SPOCK3: variants seen among roughly 807,000 people sequenced by gnomAD.
SPOCK3 encodes testican-3.
SPOCK3 carries 30 observed loss-of-function variants against 56.6 expected under a neutral mutation model. The observed-to-expected ratio is 0.53, with a 90% confidence interval of 0.40 to 0.72. The LOEUF (loss-of-function observed/expected upper bound fraction) is 0.72. SPOCK3 is among the 30% of genes least tolerant of loss of function. SPOCK3 has a pLI of 0.00. For missense variants in SPOCK3, 527 were observed against 530.0 expected (o/e 0.99, Z 0.06); for synonymous variants, 196 against 183.3 (o/e 1.07, Z -0.56).
At chr4:166,836,972 A>G (rs1238562927) in intron 6 of SPOCK3, among the ~76,000 whole-genome samples, 1 of 152,106 alleles carries the variant, frequency 6.6e-6, no homozygotes, top group East Asian at 1.9e-4. Flanking sequence ...ACTTGTCCAT[A>G]CTGTATTTGG....
At chr4:167,057,271 G>C (rs887892147) in intron 3 of SPOCK3, among the ~76,000 whole-genome samples, 1 of 152,116 alleles carries the variant, frequency 6.6e-6, no homozygotes, top group Non-Finnish European at 1.5e-5. Context: ...TGCCCTAAAA[G>C]AGCTCCTCAA....
chr4:166,899,261 T>TCTAC (rs1735756370), intron 5 of SPOCK3, among the ~76,000 whole-genome samples: 1 of 120,456 alleles, frequency 8.3e-6, no homozygotes, highest in South Asian at 3.2e-4. Context: ...TATCTATCTA[T>TCTAC]CTATCTATCT....
intron 2 of SPOCK3, among the ~76,000 whole-genome samples, chr4:167,166,903 C>G (rs189202680): frequency 6.6e-6 from 1 of 152,170 alleles, no homozygotes; most frequent in African/African-American, 2.4e-5. Flanking sequence ...GAAACTGAGT[C>G]TTTTCATAAC....
At chr4:166,951,388 G>T (rs1267223724) in intron 4 of SPOCK3, among the ~76,000 whole-genome samples, 1 of 139,322 alleles carries the variant, frequency 7.2e-6, no homozygotes, top group African/African-American at 3.0e-5. Flanking sequence ...CCAGGAAGAA[G>T]TTGAATCTCT....
chr4:167,229,081 C>T (rs1736878473), intron 2 of SPOCK3, among the ~76,000 whole-genome samples: 1 of 152,028 alleles, frequency 6.6e-6, no homozygotes, highest in Non-Finnish European at 1.5e-5. Context: ...TAATTATTAC[C>T]ACAGTTACAA....
intron 7 of SPOCK3, among the ~76,000 whole-genome samples, chr4:166,769,288 C>T (rs1738590776): frequency 6.6e-6 from 1 of 152,154 alleles, no homozygotes; most frequent in South Asian, 2.1e-4. Flanking sequence ...TTCAGCTTTT[C>T]TGCTCTGTTT....
At chr4:167,234,874 T>G (rs1737561008), upstream of SPOCK3, 1 of 152,324 alleles carries the variant, frequency 6.6e-6, no homozygotes, top group Admixed American at 6.5e-5. Context: ...TAACACAAAG[T>G]GTACTATCTC....
chr4:166,794,210 C>A (rs376701637), intron 6 of SPOCK3, among the ~76,000 whole-genome samples: 70 of 73,608 alleles, frequency 9.5e-4, no homozygotes, highest in Admixed American at 1.9e-3. Context: ...GGTGATAAGG[C>A]AAAAAAAAAA....
chr4:166,966,240 GTT>G (rs35645475), intron 4 of SPOCK3, among the ~76,000 whole-genome samples: 7 of 141,466 alleles, frequency 4.9e-5, no homozygotes, highest in African/African-American at 7.8e-5. Flanking sequence ...TCCTTTCAGC[GTT>G]TTTTTTTTTT....
intron 4 of SPOCK3, among the ~76,000 whole-genome samples, chr4:166,943,232 G>T (rs17052681): frequency 0.16 from 24,021 of 152,006 alleles, 2,719 homozygotes; most frequent in African/African-American, 0.32. Context: ...CAAATTCCAA[G>T]GTGTTTGGAG....
chr4:166,880,691 C>T lies in SPOCK3; in HGVS notation c.589+8439G>A, dbSNP rs74464453. Among the ~76,000 whole-genome samples the T allele has an allele frequency of 2.6e-3, 403 of 152,246 alleles. 1 individual carries two copies. Among genetic ancestry groups the T allele is most frequent in the African/African-American group, 9.3e-3 (388 of 41,546 alleles). On this transcript the variant is annotated intron_variant, in intron 6 of 10. Transcript: ENST00000357545. ...CTTCTCAGGAGTTATCATTAATTCTCCTCTCCTTTCCTAAAGTCAATCGAC... is the reference window on the plus strand; with the variant it reads ...CTTCTCAGGAGTTATCATTAATTCTTCTCTCCTTTCCTAAAGTCAATCGAC...
At chr4:167,225,553 A>C (rs899342727) in intron 2 of SPOCK3, among the ~76,000 whole-genome samples, 1 of 152,132 alleles carries the variant, frequency 6.6e-6, no homozygotes, top group African/African-American at 2.4e-5. Context: ...TAACATATTA[A>C]GCAAAATTAT....
intron 2 of SPOCK3, among the ~76,000 whole-genome samples, chr4:167,140,901 T>C (rs1474818800): frequency 6.6e-6 from 1 of 152,024 alleles, no homozygotes; most frequent in Middle Eastern, 3.2e-3. Flanking sequence ...GTCCTTAAGT[T>C]TCAGATAGAG....
chr4:167,183,552 T>TA (rs752374775), intron 2 of SPOCK3, among the ~76,000 whole-genome samples: 45 of 152,102 alleles, frequency 3.0e-4, no homozygotes, highest in African/African-American at 5.8e-4. Context: ...GCTTTCATGA[T>TA]AAAAAAAGAG....
intron 2 of SPOCK3, among the ~76,000 whole-genome samples, chr4:167,108,652 T>C (rs1461141918): frequency 6.6e-6 from 1 of 151,460 alleles, no homozygotes; most frequent in Non-Finnish European, 1.5e-5. Flanking sequence ...GGTTACTAGA[T>C]GCTGGGAAGC....
intron 3 of SPOCK3, among the ~76,000 whole-genome samples, chr4:167,027,808 C>CGAG (rs200309773): frequency 6.6e-6 from 1 of 151,524 alleles, no homozygotes; most frequent in African/African-American, 2.4e-5. Flanking sequence ...TTGAGTAAGC[C>CGAG]GAGGAGGAGG....
intron 6 of SPOCK3, among the ~76,000 whole-genome samples, chr4:166,860,817 G>GTATATATATATATATATA (rs1307737257): frequency 9.6e-5 from 3 of 31,184 alleles, no homozygotes; most frequent in African/African-American, 3.4e-4. Flanking sequence ...ATATATATAT[G>GTATATATATATATATATA]TATATATATA....
chr4:167,039,364 G>A (rs986422797), intron 3 of SPOCK3, among the ~76,000 whole-genome samples: 1 of 152,064 alleles, frequency 6.6e-6, no homozygotes, highest in Non-Finnish European at 1.5e-5. Context: ...TATCTTCTGC[G>A]GGGACATAAC....
chr4:167,085,267 A>AAAAATG (rs1321929397), intron 2 of SPOCK3, among the ~76,000 whole-genome samples: 1 of 152,018 alleles, frequency 6.6e-6, no homozygotes, highest in Non-Finnish European at 1.5e-5. Flanking sequence ...AGAGCAGAGA[A>AAAAATG]AAAATGAAAA....
Sources: gnomAD v4.1 joint callset for allele counts (sites outside exome capture counted in the v4.1 genomes callset) on GRCh38, gnomAD v4.1.1 for gene constraint, MANE v1.5 for transcripts, NCBI Gene and HGNC (gene_info 2026-07-23, HGNC 2026-07-21) for gene names.